Variants in KSR1 observed in about 807,000 individuals in gnomAD.
KSR1 encodes the protein kinase suppressor of ras 1, also known as kinase suppressor of ras.
In KSR1, 35 loss-of-function variants were observed where a neutral mutation model predicts 92.9. That is an observed-to-expected ratio of 0.38 (90% CI 0.29 to 0.50). KSR1 has a LOEUF of 0.50. KSR1 is among the 20% of genes least tolerant of loss of function. The pLI, the probability that KSR1 is intolerant of heterozygous loss-of-function variation, is 0.94. For missense variants in KSR1, 972 were observed against 1,158.5 expected, an observed-to-expected ratio of 0.84 and a Z score of 2.34; for synonymous variants, 467 against 472.6, an observed-to-expected ratio of 0.99 and a Z score of 0.15.
In KSR1 at chr17:27,523,401, G is replaced by A. The variant is rs955165637; in HGVS notation, c.232-27167G>A. Among the ~76,000 whole-genome samples the A allele has an allele frequency of 4.8e-3, 664 of 136,942 alleles. 6 individuals carry two copies. The highest frequency in any genetic ancestry group is 0.017 in the African/African-American group (637 of 36,928). The allele number at this position is 136,942 out of a possible 152,430, so 89.8% of individuals were successfully genotyped here. ...CTGTAAGGTTAAAAAAAAAAAAAAA[G>A]GAAAGATACCATTTTTGTGTGTTTG... is the stretch of plus-strand genomic sequence containing the variant. On this transcript the variant is annotated intron_variant, in intron 1 of 20. Transcript: ENST00000644974.
chr17:27,536,850 A>G (rs1323945471), intron 1 of KSR1, among the ~76,000 whole-genome samples: 2 of 152,236 alleles, frequency 1.3e-5, no homozygotes, highest in African/African-American at 2.4e-5. Context: ...AGGAGACTCT[A>G]TACTCTGTTG....
Position 27,626,303 on chromosome 17 carries a change from A to G in KSR1, c.*2911A>G, listed in dbSNP as rs1047764200. ...ACTACATTTGTCTTCCAGACATGCTATTAATTTAAATTAAAATGGTTAGTA... is the reference window on the plus strand; with the variant it reads ...ACTACATTTGTCTTCCAGACATGCTGTTAATTTAAATTAAAATGGTTAGTA... On this transcript the variant is annotated 3_prime_UTR_variant, in exon 21 of 21. Transcript: ENST00000644974. The G allele has an allele frequency of 3.3e-5, 5 of 152,276 alleles. No individual in the cohort carries two copies. The highest frequency in any genetic ancestry group is 9.6e-5 in the African/African-American group (4 of 41,474). 9.4% of individuals were successfully genotyped at this position (152,276 alleles called of 1,614,324 possible).
At chr17:27,505,729 A>G (rs1285698218) in intron 1 of KSR1, among the ~76,000 whole-genome samples, 1 of 152,238 alleles carries the variant, frequency 6.6e-6, no homozygotes, top group African/African-American at 2.4e-5. Context: ...CTGGCATATC[A>G]TACACATGTT....
At chr17:27,616,501 C>A (rs1265305979) in intron 18 of KSR1, among the ~76,000 whole-genome samples, 1 of 152,230 alleles carries the variant, frequency 6.6e-6, no homozygotes, top group Non-Finnish European at 1.5e-5. Context: ...AATGTACACA[C>A]ACACACATGT....
At chr17:27,570,255 C>T (rs1309607186) in intron 2 of KSR1, among the ~76,000 whole-genome samples, 2 of 152,188 alleles carry the variant, frequency 1.3e-5, no homozygotes, top group Non-Finnish European at 2.9e-5. Flanking sequence ...CTTCATAATG[C>T]AAGGCAGTGG....
intron 1 of KSR1, among the ~76,000 whole-genome samples, chr17:27,549,182 G>C (rs1002087967): frequency 6.6e-6 from 1 of 152,230 alleles, no homozygotes; most frequent in Non-Finnish European, 1.5e-5. Flanking sequence ...GCAGGGTTGA[G>C]AAGTGTCTCC....
intron 18 of KSR1, among the ~76,000 whole-genome samples, chr17:27,616,234 T>TA (rs1176733601): frequency 6.6e-6 from 1 of 152,202 alleles, no homozygotes; most frequent in Non-Finnish European, 1.5e-5. Flanking sequence ...ATAGTCTGTT[T>TA]ACTTTTGTGG....
chr17:27,510,767 T>C (rs1336738037), intron 1 of KSR1, among the ~76,000 whole-genome samples: 1 of 152,226 alleles, frequency 6.6e-6, no homozygotes, highest in Admixed American at 6.5e-5. Flanking sequence ...AATGCTTATC[T>C]AATGTCTTTT....
chr17:27,611,438 G>A, intron 17 of KSR1, 56 bp from the exon 18 acceptor site: 1 of 1,610,976 alleles, frequency 6.2e-7, no homozygotes, highest in Non-Finnish European at 8.5e-7. Context: ...AGGGCCCCTG[G>A]GCTTGAGCTG....
intron 1 of KSR1, among the ~76,000 whole-genome samples, chr17:27,482,832 T>G (rs1399369186): frequency 2.0e-5 from 3 of 152,010 alleles, no homozygotes; most frequent in Non-Finnish European, 4.4e-5. Flanking sequence ...TAAAGGTGAG[T>G]GGTTTGTCCA....
intron 1 of KSR1, among the ~76,000 whole-genome samples, chr17:27,496,546 G>GC (rs2068992219): frequency 1.3e-5 from 2 of 152,232 alleles, no homozygotes; most frequent in Non-Finnish European, 2.9e-5. Context: ...CAGAAGGGAG[G>GC]CCCCCATGTG....
At chr17:27,523,539 T>C (rs1261006783) in intron 1 of KSR1, among the ~76,000 whole-genome samples, 1 of 152,248 alleles carries the variant, frequency 6.6e-6, no homozygotes, top group Non-Finnish European at 1.5e-5. Flanking sequence ...TTGATGTTAT[T>C]GACCAAGTTC....
At chr17:27,537,304 A>G (rs1451881194) in intron 1 of KSR1, among the ~76,000 whole-genome samples, 1 of 152,188 alleles carries the variant, frequency 6.6e-6, no homozygotes, top group African/African-American at 2.4e-5. Flanking sequence ...AAGGTACTCT[A>G]AGGTACTGCA....
Position 27,605,490 on chromosome 17 carries a change from C to T in KSR1, c.1671C>T (p.Asp557=), listed in dbSNP as rs377273128. 1.1e-5 allele frequency: 17 copies of T among 1,607,162 alleles called. No individual in the cohort carries two copies. The highest frequency in any genetic ancestry group is 2.2e-5 in the East Asian group (1 of 44,732). ...CAGAAGACGATGAGGACGAGGTGGA[C>T]GACTTGCCGAGCTCTCGCCGGCCCT... ...SEAEDDEDEV[D]DLPSSRRPWR... is the part of the protein sequence containing the mutation. Residue 557 remains aspartate, a synonymous_variant, in exon 14 of 21, where the codon GAC becomes GAT. Transcript: ENST00000644974.
intron 1 of KSR1, among the ~76,000 whole-genome samples, chr17:27,475,439 A>G (rs1026165462): frequency 1.3e-5 from 2 of 152,226 alleles, no homozygotes; most frequent in African/African-American, 4.8e-5. Flanking sequence ...ACAGAAAGTC[A>G]CTTTCTGACT....
At chr17:27,523,472 G>T (rs368899641) in intron 1 of KSR1, among the ~76,000 whole-genome samples, 2 of 152,132 alleles carry the variant, frequency 1.3e-5, no homozygotes, top group East Asian at 3.9e-4. Flanking sequence ...CAAGTTGCTC[G>T]CAGTCTAATG....
chr17:27,537,030 C>T (rs1337116372), intron 1 of KSR1, among the ~76,000 whole-genome samples: 1 of 152,228 alleles, frequency 6.6e-6, no homozygotes, highest in East Asian at 1.9e-4. Context: ...GAACCCTCAC[C>T]ACCCACTGCC....
In KSR1 at chr17:27,565,722, G is replaced by A. The variant is rs140726072; in HGVS notation, c.373-11770G>A. Among the ~76,000 whole-genome samples, 883 of 152,286 alleles carry A rather than the reference G, an allele frequency of 5.8e-3. 7 individuals carry two copies. The highest frequency in any genetic ancestry group is 0.034 in the Middle Eastern group (10 of 294). ...TTACAGGTGTGAGCCACCACAGCTG[G>A]CCACTAATTATTATTTTAAAACAGC... is the stretch of plus-strand genomic sequence containing the variant. On this transcript the variant is annotated intron_variant, in intron 2 of 20. Coordinates refer to ENST00000644974, the MANE Select transcript of KSR1 (RefSeq NM_001394583.1).
At chr17:27,471,511 A>C (rs944604283) in intron 1 of KSR1, among the ~76,000 whole-genome samples, 2 of 152,138 alleles carry the variant, frequency 1.3e-5, no homozygotes, top group Non-Finnish European at 2.9e-5. Flanking sequence ...CTGAGGCAGA[A>C]TCGAGCTTGG....
Sources: gnomAD v4.1 joint callset for allele counts (sites outside exome capture counted in the v4.1 genomes callset) on GRCh38, gnomAD v4.1.1 for gene constraint, MANE v1.5 for transcripts, NCBI Gene and HGNC (gene_info 2026-07-23, HGNC 2026-07-21) for gene names.